TRIM25: variants seen among roughly 807,000 people sequenced by gnomAD.
The protein encoded by TRIM25 is E3 ubiquitin/ISG15 ligase TRIM25.
Under a neutral mutation model 65.2 loss-of-function variants are expected in TRIM25, and 45 were observed. The ratio of observed to expected loss-of-function variants is 0.69; its 90% confidence interval spans 0.54 to 0.89. TRIM25 has a LOEUF of 0.89. Among genes scored for constraint, TRIM25 ranks in the 40% least tolerant of loss-of-function variants. The pLI is 0.00. For synonymous variants in TRIM25, 321 were observed against 340.4 expected (o/e 0.94, Z 0.63); for missense variants, 714 against 803.7 (o/e 0.89, Z 1.35).
chr17:56,910,647 G>A (rs1446190050), intron 1 of TRIM25, among the ~76,000 whole-genome samples: 2 of 152,308 alleles, frequency 1.3e-5, no homozygotes, highest in African/African-American at 4.8e-5. Context: ...CACGACTCCA[G>A]ACCAAAGGAA....
intron 1 of TRIM25, among the ~76,000 whole-genome samples, chr17:56,909,870 T>C (rs1192691671): frequency 1.3e-5 from 2 of 152,152 alleles, no homozygotes. Flanking sequence ...AGATGAATAC[T>C]GCACAGAAAT....
intron 5 of TRIM25, 146 bp from the exon 6 acceptor site, chr17:56,896,098 A>G: frequency 1.1e-6 from 1 of 877,754 alleles, no homozygotes; most frequent in Non-Finnish European, 1.7e-6. Flanking sequence ...AGCAGGCAAA[A>G]TGAATCTATA....
In TRIM25 at chr17:56,901,402, G is replaced by T. The variant is rs372209466; in HGVS notation, c.1087+17C>A. On this transcript the variant is annotated intron_variant, in intron 4 of 8. Transcript: ENST00000316881. ...CAGGGTTCCACAGGGGGCAGCATAG[G>T]GGGCTGCTAAGGTCACCTGAACTGG... 4 of 1,612,674 alleles carry T rather than the reference G, an allele frequency of 2.5e-6. No individual in the cohort carries two copies. The highest frequency in any genetic ancestry group is 2.2e-5 in the South Asian group (2 of 90,994).
At chr17:56,902,773 T>C (rs533347737) in intron 3 of TRIM25, among the ~76,000 whole-genome samples, 16 of 152,244 alleles carry the variant, frequency 1.1e-4, no homozygotes, top group Admixed American at 4.6e-4. Context: ...CCCCTCCAAA[T>C]CTCATGTTGG....
intron 8 of TRIM25, among the ~76,000 whole-genome samples, chr17:56,893,431 C>A (rs1018810044): frequency 3.9e-5 from 6 of 152,226 alleles, no homozygotes; most frequent in African/African-American, 1.4e-4. Flanking sequence ...GAGTTAGCTG[C>A]AGCCCAGGGC....
chr17:56,891,576 C>A lies in TRIM25; in HGVS notation c.*124G>T. The A allele has an allele frequency of 1.9e-6, 1 of 532,492 alleles. No homozygotes were observed. Among genetic ancestry groups the A allele is most frequent in the Non-Finnish European group, 3.1e-6 (1 of 327,294 alleles). The allele number at this position is 532,492 out of a possible 1,614,324, so 33.0% of individuals were successfully genotyped here. A position where few individuals can be genotyped will look rare whatever the true frequency, so the allele number is the denominator to read the frequency against. On this transcript the variant is annotated 3_prime_UTR_variant, in exon 9 of 9. Coordinates refer to ENST00000316881, the MANE Select transcript of TRIM25 (RefSeq NM_005082.5). ...CCCACCTCCCACCCTCCCGCCAGCT[C>A]CCCTCCCATGCTCCCAATCCTTGGG...
rs2078672753 is a variant in TRIM25, at chr17:56,890,719, G to A, written c.*981C>T. The A allele has an allele frequency of 2.2e-6, 1 of 456,144 alleles. No individual in the cohort carries two copies. Among genetic ancestry groups the A allele is most frequent in the Non-Finnish European group, 4.4e-6 (1 of 226,858 alleles). 28.3% of individuals were successfully genotyped at this position (456,144 alleles called of 1,614,324 possible). Reference sequence around the variant, plus strand: ...CTGTCATTCCATATGTCACAATCCAGGGAAGAGAGGCTATCACCGAGAAGA... The same window carrying A: ...CTGTCATTCCATATGTCACAATCCAAGGAAGAGAGGCTATCACCGAGAAGA... On this transcript the variant is annotated 3_prime_UTR_variant, in exon 9 of 9. Transcript: ENST00000316881.
At chr17:56,905,105 T>C (rs1341689477) in intron 2 of TRIM25, among the ~76,000 whole-genome samples, 1 of 152,176 alleles carries the variant, frequency 6.6e-6, no homozygotes, top group Non-Finnish European at 1.5e-5. Context: ...ATATTTTATT[T>C]CTTAAGCTAA....
chr17:56,903,376 C>G (rs112151229), intron 3 of TRIM25, among the ~76,000 whole-genome samples: 17,817 of 152,166 alleles, frequency 0.12, 1,248 homozygotes, highest in Admixed American at 0.16. Context: ...CCAGCCTGAG[C>G]AACAAGAGTG....
In TRIM25 at chr17:56,891,078, G is replaced by A. The variant is rs1909159704; in HGVS notation, c.*622C>T. ...CAATGTGGGGGCGATGGGTGTGCAG[G>A]GTAGGAAGGGAACGCACTATTTTCC... is the stretch of plus-strand genomic sequence containing the variant. On this transcript the variant is annotated 3_prime_UTR_variant, in exon 9 of 9. Coordinates refer to ENST00000316881, the MANE Select transcript of TRIM25 (RefSeq NM_005082.5). 1 of 375,910 alleles carries A rather than the reference G, an allele frequency of 2.7e-6. No individual in the cohort carries two copies. Among genetic ancestry groups the A allele is most frequent in the African/African-American group, 2.1e-5 (1 of 47,300 alleles). The allele number at this position is 375,910 out of a possible 1,614,324, so 23.3% of individuals were successfully genotyped here.
intron 8 of TRIM25, 26 bp downstream of exon 8, chr17:56,895,317 C>G (rs1268105114): frequency 6.3e-7 from 1 of 1,592,916 alleles, no homozygotes; most frequent in East Asian, 2.2e-5. Context: ...CCAGTGGAAC[C>G]GCGCACCAGC....
intron 8 of TRIM25, 98 bp downstream of exon 8, chr17:56,895,245 C>T (rs771102293): frequency 1.5e-5 from 13 of 878,746 alleles, no homozygotes; most frequent in Non-Finnish European, 2.2e-5. Context: ...AGGGGAGTGG[C>T]TGATATAGCC....
Position 56,901,403 on chromosome 17 carries a change from G to A in TRIM25, c.1087+16C>T. 1.2e-6 allele frequency: 2 copies of A among 1,612,868 alleles called. No individual in the cohort carries two copies. The highest frequency in any genetic ancestry group is 1.7e-6 in the Non-Finnish European group (2 of 1,179,652). ...AGGGTTCCACAGGGGGCAGCATAGGGGGCTGCTAAGGTCACCTGAACTGGG... is the reference window on the plus strand; with the variant it reads ...AGGGTTCCACAGGGGGCAGCATAGGAGGCTGCTAAGGTCACCTGAACTGGG... On this transcript the variant is annotated intron_variant, in intron 4 of 8. Transcript: ENST00000316881.
rs144571863 is a variant in TRIM25, at chr17:56,901,562, C to A, written c.944G>T (p.Arg315Leu). 5 of 1,614,088 alleles carry A rather than the reference C, an allele frequency of 3.1e-6. No individual in the cohort carries two copies. The highest frequency in any genetic ancestry group is 4.2e-6 in the Non-Finnish European group (5 of 1,180,012). ...GTAGACTGGCTTTGTTGAGATTCCT[C>A]GCAGTTTTGATGCTTTCTGGAACAT... Reference protein sequence around the residue: ...FEFLEKASKLRGISTKPVYIP... With the variant: ...FEFLEKASKLLGISTKPVYIP... Residue 315 changes from arginine to leucine, a missense_variant, in exon 4 of 9, where the codon CGA (arginine) becomes CTA (leucine). Arg to Leu is a moderately radical substitution (Grantham distance 102). Transcript: ENST00000316881.
rs1909276770 is a variant in TRIM25 at position 56,895,609 on chromosome 17, G to A, written c.1181-5C>T. ...TGGGTAAGGCAGGGACAGGGGCTGG[G>A]GGTAAGGAAAGGGAAATATGATACA... On this transcript the variant is annotated splice_polypyrimidine_tract_variant and splice_region_variant and intron_variant, in intron 6 of 8. Coordinates refer to ENST00000316881, the MANE Select transcript of TRIM25 (RefSeq NM_005082.5). The A allele has an allele frequency of 1.3e-6, 2 of 1,551,954 alleles. No homozygotes were observed. The highest frequency in any genetic ancestry group is 8.7e-7 in the Non-Finnish European group (1 of 1,148,564).
At chr17:56,903,694 T>C (rs1909458634) in intron 3 of TRIM25, among the ~76,000 whole-genome samples, 1 of 152,200 alleles carries the variant, frequency 6.6e-6, no homozygotes, top group Admixed American at 6.5e-5. Context: ...ATTGCTGGTG[T>C]AATTAGCATC....
chr17:56,894,384 G>A (rs182499091), intron 8 of TRIM25, among the ~76,000 whole-genome samples: 4 of 152,312 alleles, frequency 2.6e-5, no homozygotes, highest in East Asian at 3.9e-4. Context: ...AAGTAGCTGG[G>A]ATTATAGGCA....
Position 56,913,567 on chromosome 17 carries a change from T to C in TRIM25, c.422A>G (p.Gln141Arg), listed in dbSNP as rs371666178. ...AACGGGCGGCTGCAGCGGGTGGTCC[T>C]GGAAGGCGGGGCTGTCGAAGTGCGG... ...LQPHFDSPAF[Q>R]DHPLQPPVRD... The change falls in exon 1 of 9, where the codon CAG (glutamine) becomes CGG (arginine). Residue 141 changes from glutamine (Q) to arginine (R), a missense_variant. Physicochemically the swap from Gln to Arg is conservative, Grantham distance 43. Transcript: ENST00000316881. The surrounding 1 kb of genome is among the most constrained non-coding windows in gnomAD (Gnocchi z 6.1). The C allele has an allele frequency of 1.2e-6, 2 of 1,613,010 alleles. No individual in the cohort carries two copies. The highest frequency in any genetic ancestry group is 1.7e-6 in the Non-Finnish European group (2 of 1,179,430).
rs548955619 is a variant in TRIM25, at chr17:56,895,504, T to C, written c.1264+17A>G. On this transcript the variant is annotated intron_variant, in intron 7 of 8. Coordinates refer to ENST00000316881, the MANE Select transcript of TRIM25 (RefSeq NM_005082.5). ...TCAGAGTGGACACCCCAAAGCTCCT[T>C]GCCCATGATAACTTACCCTCCAAGC... 35 of 1,613,754 alleles carry C rather than the reference T, an allele frequency of 2.2e-5. No homozygotes were observed. The highest frequency in any genetic ancestry group is 2.8e-5 in the Non-Finnish European group (33 of 1,179,784).
Sources: gnomAD v4.1 joint callset for allele counts (sites outside exome capture counted in the v4.1 genomes callset) on GRCh38, gnomAD v4.1.1 for gene constraint, Gnocchi (gnomAD v3.1) non-coding constraint, MANE v1.5 for transcripts, NCBI Gene and HGNC (gene_info 2026-07-23, HGNC 2026-07-21) for gene names.